Variants in POLR1A observed in about 807,000 individuals in gnomAD.
POLR1A encodes the protein RNA polymerase I subunit A.
A neutral mutation model predicts 205.3 loss-of-function variants in POLR1A; 84 were observed. The ratio of observed to expected loss-of-function variants is 0.41; its 90% confidence interval spans 0.34 to 0.49. The LOEUF (loss-of-function observed/expected upper bound fraction) is 0.49. Ranked by LOEUF, POLR1A falls within the 20% of genes least tolerant of loss-of-function variation. POLR1A has a pLI of 0.22. For missense variants in POLR1A, 1,645 were observed against 2,204.5 expected, an observed-to-expected ratio of 0.75 and a Z score of 5.08; for synonymous variants, 799 against 863.7, an observed-to-expected ratio of 0.93 and a Z score of 1.31.
intron 1 of POLR1A, among the ~76,000 whole-genome samples, chr2:86,101,412 T>C (rs1020615723): frequency 6.6e-6 from 1 of 152,214 alleles, no homozygotes; most frequent in Non-Finnish European, 1.5e-5. Context: ...CTATGTTGCA[T>C]GGCCAGTGTC....
intron 31 of POLR1A, among the ~76,000 whole-genome samples, chr2:86,029,843 G>A (rs368548332): frequency 6.6e-5 from 10 of 151,898 alleles, no homozygotes; most frequent in Middle Eastern, 3.4e-3. Context: ...CTCGTGATCC[G>A]CCTGCCTTGG....
chr2:86,045,873 T>C (rs1672701698), intron 19 of POLR1A, 104 bp from the exon 20 acceptor site: 3 of 1,011,154 alleles, frequency 3.0e-6, no homozygotes, highest in Non-Finnish European at 4.4e-6. Context: ...AAAAGCTGCA[T>C]GGAAACCGAG....
chr2:86,092,562 T>C (rs919648554), intron 3 of POLR1A, among the ~76,000 whole-genome samples: 11 of 152,202 alleles, frequency 7.2e-5, no homozygotes, highest in Non-Finnish European at 1.5e-4. Context: ...CAGTGGCTCA[T>C]GCCTGTAATC....
Position 86,061,741 on chromosome 2 carries a change from C to T in POLR1A, c.2058+3533G>A, listed in dbSNP as rs75424143. ...TATATACAATAACATGGGTAACACA[C>T]AAAGATAGATTTCATTTAAATAAAC... On this transcript the variant is annotated intron_variant, in intron 14 of 33. Coordinates refer to ENST00000263857, the MANE Select transcript of POLR1A (RefSeq NM_015425.6). Among the ~76,000 whole-genome samples the T allele has an allele frequency of 7.5e-3, 1,138 of 152,104 alleles. 10 individuals carry two copies. The highest frequency in any genetic ancestry group is 0.01 in the Non-Finnish European group (701 of 67,976).
chr2:86,044,199 G>A lies in POLR1A; in HGVS notation c.3075C>T (p.Asp1025=). 1 of 1,614,160 alleles carries A rather than the reference G, an allele frequency of 6.2e-7. No individual in the cohort carries two copies. Among genetic ancestry groups the A allele is most frequent in the Non-Finnish European group, 8.5e-7 (1 of 1,180,020 alleles). Residue 1025 remains aspartate, a synonymous_variant, in exon 22 of 34, where the codon GAC becomes GAT. Transcript: ENST00000263857. ...VQFLYGEDGL[D]IPKTQFLQPK... is the part of the protein sequence containing the mutation. ...GCTGCAGGAACTGTGTCTTGGGGAT[G>A]TCCAGGCCATCCTCCCCATACAGGA...
Position 86,088,563 on chromosome 2 carries a change from C to T in POLR1A, c.730+3G>A, listed in dbSNP as rs745377950. The T allele has an allele frequency of 6.2e-7, 1 of 1,604,366 alleles. No individual in the cohort carries two copies. The highest frequency in any genetic ancestry group is 1.7e-5 in the Admixed American group (1 of 59,986). On this transcript the variant is annotated splice_donor_region_variant and intron_variant, in intron 6 of 33. Coordinates refer to ENST00000263857, the MANE Select transcript of POLR1A (RefSeq NM_015425.6). The stretch of plus-strand genomic sequence containing the variant: ...AGCTCCTCTCCAGACCCAGCCTGCT[C>T]ACCCAGGGGCTCAGAGTCCTTCTGG...
At position 86,070,557 on chromosome 2, in the gene POLR1A, G is replaced by C. The variant is rs892602298; in HGVS notation, c.1612-285C>G. 4.6e-5 allele frequency among the ~76,000 whole-genome samples: 7 copies of C among 152,054 alleles called. No homozygotes were observed. The highest frequency in any genetic ancestry group is 1.7e-4 in the African/African-American group (7 of 41,392). ...TCTTTGTCTTCTTCAGAGATGCATA[G>C]CCGTCCCAGGTTTCTGGATTACTCT... On this transcript the variant is annotated intron_variant, in intron 12 of 33. Transcript: ENST00000263857. The surrounding 1 kb of genome is among the most constrained non-coding windows in gnomAD (Gnocchi z 4.4).
intron 18 of POLR1A, among the ~76,000 whole-genome samples, chr2:86,048,319 C>T (rs1486043007): frequency 1.3e-5 from 2 of 152,230 alleles, no homozygotes; most frequent in African/African-American, 2.4e-5. Context: ...GAGATTTCCC[C>T]TCTCCTTTCT....
chr2:86,062,995 C>T (rs1673022988), intron 14 of POLR1A, among the ~76,000 whole-genome samples: 1 of 152,070 alleles, frequency 6.6e-6, no homozygotes, highest in African/African-American at 2.4e-5. Context: ...AAGTAGATAA[C>T]CAAAAATAGC....
chr2:86,078,209 A>G lies in POLR1A; in HGVS notation c.1162T>C (p.Tyr388His), dbSNP rs770680979. The G allele has an allele frequency of 2.5e-6, 4 of 1,613,086 alleles. No individual in the cohort carries two copies. The East Asian group carries it at 6.7e-5, about 27-fold the overall frequency. ...CTCTGAAGGCGAATCCAAATGTTGT[A>G]AAGTTTGTCTATGAGGGACTGGCCT... ...LPGQSLIDKL[Y>H]NIWIRLQSHV... is the part of the protein sequence containing the mutation. Residue 388 changes from tyrosine to histidine, a missense_variant, in exon 10 of 34, where the codon TAC (tyrosine) becomes CAC (histidine). Coordinates refer to ENST00000263857, the MANE Select transcript of POLR1A (RefSeq NM_015425.6).
rs1673155255 is a variant in POLR1A at position 86,070,424 on chromosome 2, C to A, written c.1612-152G>T. On this transcript the variant is annotated intron_variant, in intron 12 of 33. Transcript: ENST00000263857. This position sits in a 1 kb window ranked among gnomAD's most constrained non-coding sequence, Gnocchi z 4.4. ...GGGGAATTTTTCATCTGGAGCAAAACCCTGGAAATCTCTGAGAAATACGTC... is the reference window on the plus strand; with the variant it reads ...GGGGAATTTTTCATCTGGAGCAAAAACCTGGAAATCTCTGAGAAATACGTC... 2 of 816,786 alleles carry A rather than the reference C, an allele frequency of 2.4e-6. No homozygotes were observed. Among genetic ancestry groups the A allele is most frequent in the Admixed American group, 5.7e-5 (2 of 34,910 alleles). The allele number at this position is 816,786 out of a possible 1,614,324, so 50.6% of individuals were successfully genotyped here.
intron 14 of POLR1A, among the ~76,000 whole-genome samples, chr2:86,063,048 C>T (rs555517201): frequency 1.3e-5 from 2 of 152,240 alleles, no homozygotes; most frequent in African/African-American, 4.8e-5. Context: ...TGAAAATCTT[C>T]CCACAGGTTG....
intron 11 of POLR1A, 67 bp downstream of exon 11, chr2:86,077,792 G>A: frequency 1.3e-6 from 2 of 1,571,860 alleles, no homozygotes; most frequent in Non-Finnish European, 1.7e-6. Context: ...GGGAGCAAAT[G>A]AGCCCTGCAC....
chr2:86,069,701 G>T (rs1198413583), intron 13 of POLR1A, among the ~76,000 whole-genome samples: 1 of 152,318 alleles, frequency 6.6e-6, no homozygotes, highest in Non-Finnish European at 1.5e-5. Context: ...ATGCTAGCCG[G>T]GGGCTACTAA....
At chr2:86,105,327 G>A (rs1211744067) in intron 1 of POLR1A, among the ~76,000 whole-genome samples, 2 of 152,132 alleles carry the variant, frequency 1.3e-5, no homozygotes, top group East Asian at 3.8e-4. Flanking sequence ...ACACTTGAAG[G>A]ACAATCATTT....
Position 86,044,304 on chromosome 2 carries a change from C to T in POLR1A, c.2970G>A (p.Arg990=), listed in dbSNP as rs776511562. ...VKTSRSGYLQ[R]CIIKHLEGLV... ...GCCCCTCTAGGTGCTTGATGATGCACCTGTAAGGACACCATCGGCTCAGTC... is the reference window on the plus strand; with the variant it reads ...GCCCCTCTAGGTGCTTGATGATGCATCTGTAAGGACACCATCGGCTCAGTC... The change falls in exon 22 of 34, where the codon AGG becomes AGA. Residue 990 remains arginine, a splice_region_variant and synonymous_variant. Coordinates refer to ENST00000263857, the MANE Select transcript of POLR1A (RefSeq NM_015425.6). 7.7e-5 allele frequency: 124 copies of T among 1,614,042 alleles called. No individual in the cohort carries two copies. Among genetic ancestry groups the T allele is most frequent in the Non-Finnish European group, 1.0e-4 (118 of 1,180,016 alleles).
intron 31 of POLR1A, among the ~76,000 whole-genome samples, 187 bp downstream of exon 31, chr2:86,030,009 C>A (rs1172592721): frequency 1.3e-5 from 2 of 152,172 alleles, no homozygotes; most frequent in Admixed American, 6.5e-5. Flanking sequence ...GGCTAACGTG[C>A]CCCAGAATCC....
chr2:86,035,219 G>A (rs1207919160), intron 27 of POLR1A, among the ~76,000 whole-genome samples: 1 of 152,050 alleles, frequency 6.6e-6, no homozygotes, highest in East Asian at 1.9e-4. Flanking sequence ...TTTGCCCTTG[G>A]CAGAAAAAAA....
intron 11 of POLR1A, among the ~76,000 whole-genome samples, chr2:86,075,889 T>C (rs930505518): frequency 1.3e-5 from 2 of 152,234 alleles, no homozygotes; most frequent in Non-Finnish European, 2.9e-5. Flanking sequence ...GGGCACTTCC[T>C]TGAGACAGGT....
Sources: allele counts gnomAD v4.1 joint callset (sites outside exome capture counted in the v4.1 genomes callset), GRCh38; gene constraint gnomAD v4.1.1; non-coding constraint Gnocchi (gnomAD v3.1); transcripts MANE v1.5; gene names NCBI Gene and HGNC (gene_info 2026-07-23, HGNC 2026-07-21).